The following TMEM260 variants were observed in gnomAD, a reference collection of about 807,000 sequenced individuals.
The protein encoded by TMEM260 is transmembrane protein 260, also known as protein O-mannosyl-transferase TMEM260.
TMEM260 carries 82 observed loss-of-function variants against 88.9 expected under a neutral mutation model. The ratio of observed to expected loss-of-function variants is 0.92; its 90% CI spans 0.77 to 1.11. The LOEUF is 1.11. TMEM260 is among the 50% of genes least tolerant of loss of function. The probability of loss-of-function intolerance (pLI) is 0.00; values close to 1 mark genes in which losing one functional copy is unlikely to be tolerated. For missense variants in TMEM260, 902 were observed against 853.4 expected (o/e 1.06, Z -0.71); for synonymous variants, 314 against 309.3 (o/e 1.02, Z -0.16).
chr14:56,630,822 C>CTGTT (rs1273456907), intron 12 of TMEM260, among the ~76,000 whole-genome samples: 2 of 152,032 alleles, frequency 1.3e-5, no homozygotes, highest in African/African-American at 2.4e-5. Context: ...ACTTTTTGGT[C>CTGTT]TGTTTGTTTA....
intron 15 of TMEM260, among the ~76,000 whole-genome samples, chr14:56,644,272 C>G (rs556622371): frequency 9.9e-5 from 15 of 152,264 alleles, no homozygotes; most frequent in Non-Finnish European, 1.9e-4. Context: ...CAAGGCTACA[C>G]TAACCAAAAC....
At chr14:56,624,017 ATTAT>A (rs1221327486) in intron 11 of TMEM260, among the ~76,000 whole-genome samples, 1 of 152,164 alleles carries the variant, frequency 6.6e-6, no homozygotes, top group South Asian at 2.1e-4. Flanking sequence ...ATATAAGTAA[ATTAT>A]TTAAATCAAA....
chr14:56,588,987 T>G (rs1206072267), intron 3 of TMEM260, among the ~76,000 whole-genome samples: 1 of 152,058 alleles, frequency 6.6e-6, no homozygotes, highest in Non-Finnish European at 1.5e-5. Flanking sequence ...TTTAAAGTTA[T>G]AGGTAATATA....
At chr14:56,635,626 T>TAACA (rs1194710805) in intron 14 of TMEM260, among the ~76,000 whole-genome samples, 1 of 152,216 alleles carries the variant, frequency 6.6e-6, no homozygotes, top group Admixed American at 6.5e-5. Context: ...AAAATAACAC[T>TAACA]AACAAACTCT....
intron 10 of TMEM260, 66 bp downstream of exon 10, chr14:56,618,829 A>T: frequency 2.1e-6 from 3 of 1,457,714 alleles, no homozygotes; most frequent in Non-Finnish European, 2.8e-6. Context: ...TTTAGATTCT[A>T]ACACTTTATT....
chr14:56,628,712 A>C (rs1271359202), intron 12 of TMEM260, among the ~76,000 whole-genome samples: 1 of 151,982 alleles, frequency 6.6e-6, no homozygotes, highest in Non-Finnish European at 1.5e-5. Context: ...TTTGTTTCTA[A>C]CCAACCTATA....
intron 3 of TMEM260, among the ~76,000 whole-genome samples, chr14:56,599,232 T>C (rs1445593599): frequency 6.6e-6 from 1 of 152,188 alleles, no homozygotes; most frequent in East Asian, 1.9e-4. Flanking sequence ...CTTGTCCTTC[T>C]GTCCTTTTGC....
At position 56,634,963 on chromosome 14, in the gene TMEM260, T is replaced by C; in HGVS notation, c.1778+11T>C. Reference sequence around the variant, plus strand: ...AATGTGGCAAGCGAGGTGACTATTCTACATTTTTGTGTGTGCAGTCTATTT... The same window carrying C: ...AATGTGGCAAGCGAGGTGACTATTCCACATTTTTGTGTGTGCAGTCTATTT... On this transcript the variant is annotated intron_variant, in intron 14 of 15. Coordinates refer to ENST00000261556, the MANE Select transcript of TMEM260 (RefSeq NM_017799.4). The C allele has an allele frequency of 6.2e-7, 1 of 1,613,360 alleles. No homozygotes were observed.
chr14:56,618,836 T>C, intron 10 of TMEM260, 73 bp downstream of exon 10: 2 of 1,402,156 alleles, frequency 1.4e-6, no homozygotes, highest in Non-Finnish European at 2.0e-6. Flanking sequence ...TCTAACACTT[T>C]ATTTCATTGT....
intron 3 of TMEM260, among the ~76,000 whole-genome samples, chr14:56,592,664 T>G (rs1885938160): frequency 6.6e-6 from 1 of 152,208 alleles, no homozygotes; most frequent in Admixed American, 6.5e-5. Context: ...GTGGTAGATT[T>G]GCTGTTTATT....
downstream of TMEM260, among the ~76,000 whole-genome samples, chr14:56,650,914 G>A (rs1890194765): frequency 6.6e-6 from 1 of 152,120 alleles, no homozygotes; most frequent in Non-Finnish European, 1.5e-5. Flanking sequence ...GACTTCTGGT[G>A]TGTTTTATAA....
At chr14:56,583,366 G>C (rs1322888581) in intron 1 of TMEM260, among the ~76,000 whole-genome samples, 1 of 152,048 alleles carries the variant, frequency 6.6e-6, no homozygotes, top group Non-Finnish European at 1.5e-5. Context: ...TCTGTCTTCA[G>C]GTGCCCTTAT....
chr14:56,650,041 T>G (rs7156095), downstream of TMEM260: 56,894 of 447,836 alleles, frequency 0.13, 5,711 homozygotes, highest in African/African-American at 0.33. Context: ...CAAGTTGCTT[T>G]CTTTTTCTTT....
chr14:56,652,593 T>C (rs963939694), downstream of TMEM260, among the ~76,000 whole-genome samples: 2 of 151,444 alleles, frequency 1.3e-5, no homozygotes, highest in Admixed American at 1.3e-4. Flanking sequence ...AAATGGAAAA[T>C]GATTCATTTA....
chr14:56,609,374 C>G, intron 6 of TMEM260, 89 bp downstream of exon 6: 1 of 1,211,926 alleles, frequency 8.3e-7, no homozygotes, highest in South Asian at 1.5e-5. Flanking sequence ...CAATATTTGT[C>G]AATGACAGTA....
rs1395997834 is a variant in TMEM260, at chr14:56,621,670, T to C, written c.1366T>C (p.Leu456=). The change falls in exon 11 of 16, where the codon TTG becomes CTG. Residue 456 remains leucine, a synonymous_variant. Transcript: ENST00000261556. ...SLRYMHYCEG[L]RPDISLVDQE... ...CCGTTACATGCATTACTGTGAGGGG[T>C]TGAGGCCTGACATTTCATTAGTGGA... 1 of 1,611,982 alleles carries C rather than the reference T, an allele frequency of 6.2e-7. No individual in the cohort carries two copies. The highest frequency in any genetic ancestry group is 1.7e-5 in the Admixed American group (1 of 59,644).
At chr14:56,651,742 G>A (rs1890210826), downstream of TMEM260, among the ~76,000 whole-genome samples, 1 of 152,130 alleles carries the variant, frequency 6.6e-6, no homozygotes, top group Non-Finnish European at 1.5e-5. Flanking sequence ...TATAATAAAA[G>A]ATACATAGAA....
chr14:56,655,862 G>A, the TMEM260 span, among the ~76,000 whole-genome samples: 1 of 152,156 alleles, frequency 6.6e-6, no homozygotes, highest in Admixed American at 6.6e-5. Flanking sequence ...CCATAGCCAT[G>A]TGCTATCTCC....
At chr14:56,638,701 T>C (rs1047017921) in intron 15 of TMEM260, among the ~76,000 whole-genome samples, 1 of 152,206 alleles carries the variant, frequency 6.6e-6, no homozygotes, top group Non-Finnish European at 1.5e-5. Context: ...TTTTCAAGAA[T>C]GTTCTTCTTA....
Sources: gnomAD v4.1 joint callset for allele counts (sites outside exome capture counted in the v4.1 genomes callset) on GRCh38, gnomAD v4.1.1 for gene constraint, MANE v1.5 for transcripts, NCBI Gene and HGNC (gene_info 2026-07-23, HGNC 2026-07-21) for gene names.